SAMD7: variants seen among roughly 807,000 people sequenced by gnomAD.
SAMD7 encodes sterile alpha motif domain containing 7, also known as sterile alpha motif domain-containing protein 7.
SAMD7 carries 34 observed loss-of-function variants against 36.7 expected under a neutral mutation model. That is an observed-to-expected ratio of 0.93 (90% CI 0.71 to 1.23). SAMD7 has a LOEUF of 1.23. Among genes scored for constraint, SAMD7 ranks in the 50% most tolerant of loss-of-function variants. SAMD7 has a pLI of 0.00. For missense variants in SAMD7, 570 were observed against 546.6 expected, an observed-to-expected ratio of 1.04 and a Z score of -0.43; for synonymous variants, 188 against 189.7, an observed-to-expected ratio of 0.99 and a Z score of 0.07.
At chr3:169,932,269 A>G in intron 7 of SAMD7, 1 of 810,546 alleles carries the variant, frequency 1.2e-6, no homozygotes, top group Admixed American at 1.8e-5. Context: ...GGGGGCAATC[A>G]TGCATGCCAT....
At chr3:169,928,155 A>G (rs554572651) in intron 6 of SAMD7, among the ~76,000 whole-genome samples, 6 of 152,348 alleles carry the variant, frequency 3.9e-5, no homozygotes, top group South Asian at 4.1e-4. Flanking sequence ...CCTATCACGA[A>G]AACATAGTAA....
chr3:169,936,614 A>T (rs1441193851), intron 8 of SAMD7, among the ~76,000 whole-genome samples, 165 bp downstream of exon 8: 1 of 152,198 alleles, frequency 6.6e-6, no homozygotes, highest in African/African-American at 2.4e-5. Flanking sequence ...AAAACATTGG[A>T]TGGGATGGTG....
At chr3:169,921,526 C>T (rs1172769094) in intron 4 of SAMD7, among the ~76,000 whole-genome samples, 188 bp downstream of exon 4, 4 of 152,184 alleles carry the variant, frequency 2.6e-5, no homozygotes, top group African/African-American at 9.7e-5. Flanking sequence ...GTGTAAGCTG[C>T]TTGACTCCTC....
At position 169,928,631 on chromosome 3, in the gene SAMD7, T is replaced by C. The variant is rs892106479; in HGVS notation, c.1041+53T>C. The stretch of plus-strand genomic sequence containing the variant: ...CAAGAAAAACAGTTTGAAATATCTT[T>C]CCTGCATAATGAATTAGGTCAAACT... On this transcript the variant is annotated intron_variant, in intron 7 of 8. Transcript: ENST00000335556. 1.9e-6 allele frequency: 3 copies of C among 1,571,802 alleles called. No homozygotes were observed. In the African/African-American group the frequency reaches 4.1e-5, roughly 21 times the overall value.
chr3:169,917,711 G>T (rs866298317), intron 2 of SAMD7, among the ~76,000 whole-genome samples: 2 of 149,484 alleles, frequency 1.3e-5, no homozygotes, highest in African/African-American at 2.5e-5. Flanking sequence ...GCACAATCTC[G>T]GCTCACTGCA....
intron 7 of SAMD7, chr3:169,932,437 A>G: frequency 1.6e-6 from 1 of 614,908 alleles, no homozygotes; most frequent in South Asian, 1.4e-5. Context: ...TATGATAGAC[A>G]CAATGCGGAG....
intron 3 of SAMD7, 139 bp from the exon 4 acceptor site, chr3:169,921,075 T>A (rs1034878243): frequency 1.3e-6 from 1 of 751,276 alleles, no homozygotes; most frequent in African/African-American, 1.8e-5. Context: ...TCATAAAGAC[T>A]CCAGGACTTT....
At chr3:169,932,329 C>A (rs1713529908) in intron 7 of SAMD7, 4 of 703,448 alleles carry the variant, frequency 5.7e-6, no homozygotes, top group South Asian at 4.2e-5. Flanking sequence ...AGGGACACAG[C>A]TGAAAGCCTT....
rs368016580 is a variant in SAMD7, at chr3:169,926,159, G to C, written c.291-394G>C. The C allele has an allele frequency of 2.3e-3, 1,447 of 640,532 alleles. 24 individuals are homozygous for C. Among genetic ancestry groups the C allele is most frequent in the South Asian group, 0.021 (1,382 of 65,512 alleles). The allele number at this position is 640,532 out of a possible 1,614,324, so 39.7% of individuals were successfully genotyped here. A position where few individuals can be genotyped will look rare whatever the true frequency, so the allele number is the denominator to read the frequency against. On this transcript the variant is annotated intron_variant, in intron 5 of 8. Transcript: ENST00000335556. ...CCACTTGCATTTATTTATAAATATT[G>C]AGACTTGCAATGTCTAATTGTCTTT...
At chr3:169,927,842 T>A (rs567955147) in intron 6 of SAMD7, among the ~76,000 whole-genome samples, 2 of 152,316 alleles carry the variant, frequency 1.3e-5, no homozygotes, top group South Asian at 4.1e-4. Flanking sequence ...AAAGTGTGAA[T>A]TCTATCTCCC....
At chr3:169,935,927 C>T in intron 7 of SAMD7, among the ~76,000 whole-genome samples, 1 of 152,202 alleles carries the variant, frequency 6.6e-6, no homozygotes, top group East Asian at 1.9e-4. Flanking sequence ...AAATGTGAGA[C>T]ATGAAATTTA....
intron 2 of SAMD7, 45 bp downstream of exon 2, chr3:169,915,486 GCTCCT>G (rs1350513308): frequency 6.7e-6 from 1 of 150,150 alleles, no homozygotes; most frequent in Non-Finnish European, 1.5e-5. Flanking sequence ...AGCAATTCTT[GCTCCT>G]CTCTTTCTTC....
chr3:169,928,570 T>G lies in SAMD7; in HGVS notation c.1033T>G (p.Tyr345Asp), dbSNP rs1329658412. The G allele has an allele frequency of 6.2e-7, 1 of 1,613,424 alleles. No homozygotes were observed. The highest frequency in any genetic ancestry group is 2.2e-5 in the East Asian group (1 of 44,884). ...FIRSLPGCSD[Y>D]AQVFKDHAID... ...TCGCAGCCTTCCAGGTTGTTCAGAC[T>G]ATGCTCAGGTGACTTAATGTTTAAG... is the stretch of plus-strand genomic sequence containing the variant. Residue 345 changes from tyrosine to aspartate, a missense_variant, in exon 7 of 9, where the codon TAT becomes GAT. Physicochemically the swap from Tyr to Asp is radical, Grantham distance 160. Transcript: ENST00000335556.
rs1462018341 is a variant in SAMD7 at position 169,932,711 on chromosome 3, C to T, written c.1042-3628C>T. On this transcript the variant is annotated intron_variant, in intron 7 of 8. Coordinates refer to ENST00000335556, the MANE Select transcript of SAMD7 (RefSeq NM_001304366.2). ...TGTGTGGCCTCTCCAGAAACACTGACACCCGTGGGCCAGGACTTACTGAAA... is the reference window on the plus strand; with the variant it reads ...TGTGTGGCCTCTCCAGAAACACTGATACCCGTGGGCCAGGACTTACTGAAA... 3 of 551,408 alleles carry T rather than the reference C, an allele frequency of 5.4e-6. No individual in the cohort carries two copies. The East Asian group carries it at 1.4e-4, about 26-fold the overall frequency. 34.2% of individuals were successfully genotyped at this position (551,408 alleles called of 1,614,324 possible).
Position 169,929,960 on chromosome 3 carries a change from A to G in SAMD7, c.1041+1382A>G, listed in dbSNP as rs9837047. On this transcript the variant is annotated intron_variant, in intron 7 of 8. Coordinates refer to ENST00000335556, the MANE Select transcript of SAMD7 (RefSeq NM_001304366.2). The stretch of plus-strand genomic sequence containing the variant: ...ATGTATCTATACCACTTCAAGTGCC[A>G]TGTCAACCATGGGTTCAATTAAGTT... Among the ~76,000 whole-genome samples, 292 of 152,358 alleles carry G rather than the reference A, an allele frequency of 1.9e-3. 1 individual carries two copies. Among genetic ancestry groups the G allele is most frequent in the African/African-American group, 6.8e-3 (282 of 41,578 alleles).
intron 4 of SAMD7, among the ~76,000 whole-genome samples, chr3:169,924,354 C>T (rs1038882157): frequency 7.3e-5 from 11 of 151,538 alleles, no homozygotes; most frequent in East Asian, 5.8e-4. Flanking sequence ...TTTGGGAGGC[C>T]GAGGCAGGCA....
chr3:169,934,766 T>C (rs1330194858), intron 7 of SAMD7, among the ~76,000 whole-genome samples: 2 of 152,272 alleles, frequency 1.3e-5, no homozygotes, highest in South Asian at 2.1e-4. Context: ...CAGCCCATCA[T>C]TGAAGCTGAG....
At chr3:169,917,877 A>AG (rs1712875831) in intron 2 of SAMD7, among the ~76,000 whole-genome samples, 1 of 151,774 alleles carries the variant, frequency 6.6e-6, no homozygotes, top group South Asian at 2.1e-4. Context: ...TCCTGACCTC[A>AG]TGATCCGCCC....
intron 7 of SAMD7, among the ~76,000 whole-genome samples, chr3:169,929,296 G>A (rs58878641): frequency 0.091 from 13,836 of 151,858 alleles, 722 homozygotes; most frequent in East Asian, 0.16. Context: ...ACAATTCTAA[G>A]CAATAAAGTG....
Sources: gnomAD v4.1 joint callset for allele counts (sites outside exome capture counted in the v4.1 genomes callset) on GRCh38, gnomAD v4.1.1 for gene constraint, MANE v1.5 for transcripts, NCBI Gene and HGNC (gene_info 2026-07-23, HGNC 2026-07-21) for gene names.